DOK7: variants seen among roughly 807,000 people sequenced by gnomAD.
The protein encoded by DOK7 is docking protein 7, also known as protein Dok-7.
A neutral mutation model predicts 30.7 loss-of-function variants in DOK7; 32 were observed. That is an observed-to-expected ratio of 1.04 (90% CI 0.79 to 1.40). DOK7 has a LOEUF of 1.40. DOK7 is among the 40% of genes most tolerant of loss of function. The probability of loss-of-function intolerance (pLI) is 0.00; values close to 1 mark genes in which losing one functional copy is unlikely to be tolerated. For missense variants in DOK7, 1,007 were observed against 699.2 expected (o/e 1.44, Z -4.97); for synonymous variants, 447 against 324.1 (o/e 1.38, Z -4.07).
exon 8 of DOK7, chr4:3,501,036 C>T (rs1729161202): frequency 6.7e-6 from 5 of 743,774 alleles, no homozygotes; most frequent in South Asian, 6.2e-5. Context: ...CGGGGCTGAC[C>T]CTTCGGCCTG....
At chr4:3,480,538 T>C (rs1014374639) in intron 4 of DOK7, among the ~76,000 whole-genome samples, 48 of 151,890 alleles carry the variant, frequency 3.2e-4, no homozygotes, top group Non-Finnish European at 1.0e-4. Context: ...AACCTGGGAG[T>C]TGGAGGTTGC....
intron 2 of DOK7, among the ~76,000 whole-genome samples, chr4:3,468,662 GTGTGCC>G (rs61728648): frequency 0.14 from 21,230 of 148,930 alleles, 1,706 homozygotes; most frequent in South Asian, 0.33. Flanking sequence ...GTATGAGTGT[GTGTGCC>G]TGTGTGCATG....
chr4:3,500,877 GGCCCCCGGCAGGCCA>G, exon 8 of DOK7: 1 of 1,476,286 alleles, frequency 6.8e-7, no homozygotes, highest in East Asian at 2.5e-5. Context: ...GCGGCCCCGT[GGCCCCCGGCAGGCCA>G]GCCCCTTCTG....
downstream of DOK7, chr4:3,496,890 G>A: frequency 6.5e-7 from 1 of 1,533,782 alleles, no homozygotes; most frequent in Non-Finnish European, 8.7e-7. Context: ...GTCCCCCAGA[G>A]CTCGGGGACA....
chr4:3,501,148 A>G, exon 8 of DOK7: 1 of 380,816 alleles, frequency 2.6e-6, no homozygotes, highest in South Asian at 4.5e-5. Context: ...GCTGCCCAGG[A>G]GTTTGGGAGC....
At chr4:3,483,398 T>A (rs1252260520) in intron 4 of DOK7, among the ~76,000 whole-genome samples, 1 of 152,004 alleles carries the variant, frequency 6.6e-6, no homozygotes, top group Non-Finnish European at 1.5e-5. Context: ...TCGTGCGGTG[T>A]CCTGGGAGGC....
chr4:3,500,780 G>A (rs916506758), exon 8 of DOK7: 2 of 1,534,460 alleles, frequency 1.3e-6, no homozygotes, highest in Non-Finnish European at 1.7e-6. Flanking sequence ...GGGCCCGGGA[G>A]GAGCAGCTGT....
chr4:3,489,892 C>A (rs1040520744), intron 6 of DOK7, 96 bp downstream of exon 6: 20 of 1,497,406 alleles, frequency 1.3e-5, no homozygotes, highest in South Asian at 1.0e-4. Context: ...GCTGCAGGCT[C>A]CCTCTGCTCA....
At chr4:3,490,110 C>CCTCATTCATTCCTTTTCTCCCTGCT (rs112331566) in intron 6 of DOK7, among the ~76,000 whole-genome samples, 8 of 52,736 alleles carry the variant, frequency 1.5e-4, no homozygotes, top group Admixed American at 2.5e-4. Context: ...TTCTTCACCC[C>CCTCATTCATTCCTTTTCTCCCTGCT]CATTCATTCC....
At chr4:3,492,124 T>C (rs1398916072) in intron 6 of DOK7, among the ~76,000 whole-genome samples, 1 of 152,024 alleles carries the variant, frequency 6.6e-6, no homozygotes, top group East Asian at 1.9e-4. Context: ...GAGATGAAAG[T>C]GGCTTTCCCA....
chr4:3,490,302 G>C (rs1297799147), intron 6 of DOK7, among the ~76,000 whole-genome samples: 79 of 50,692 alleles, frequency 1.6e-3, no homozygotes, highest in Non-Finnish European at 1.9e-3. Flanking sequence ...TTCTTCCTCC[G>C]CCCCCCCGGC....
At chr4:3,487,986 G>C (rs1285771120) in intron 5 of DOK7, among the ~76,000 whole-genome samples, 1 of 152,250 alleles carries the variant, frequency 6.6e-6, no homozygotes, top group Non-Finnish European at 1.5e-5. Context: ...GCCAGGAGCT[G>C]CTAAGCCGTG....
At chr4:3,486,732 C>T (rs1044598903) in intron 5 of DOK7, among the ~76,000 whole-genome samples, 28 of 99,676 alleles carry the variant, frequency 2.8e-4, no homozygotes, top group African/African-American at 1.1e-3. Flanking sequence ...AGTGGATGCA[C>T]CCCTGCAGGT....
intron 5 of DOK7, among the ~76,000 whole-genome samples, chr4:3,487,970 G>A (rs1727924688): frequency 1.3e-5 from 2 of 152,266 alleles, no homozygotes; most frequent in Admixed American, 6.5e-5. Flanking sequence ...ATGTGTCTGT[G>A]AAAGTGCCAG....
intron 4 of DOK7, among the ~76,000 whole-genome samples, chr4:3,481,090 T>TA (rs199902063): frequency 0.014 from 2,053 of 151,370 alleles, 19 homozygotes; most frequent in Middle Eastern, 0.065. Context: ...GGAGCCCTGT[T>TA]GGGGGGGATA....
downstream of DOK7, chr4:3,494,586 C>T (rs1728793675): frequency 1.5e-5 from 14 of 934,514 alleles, no homozygotes; most frequent in Non-Finnish European, 1.8e-5. Flanking sequence ...CTTCCCTGGC[C>T]TTTATCTCAG....
At chr4:3,492,016 C>A (rs60009044) in intron 6 of DOK7, among the ~76,000 whole-genome samples, 29,823 of 152,144 alleles carry the variant, frequency 0.2, 3,146 homozygotes, top group South Asian at 0.31. Flanking sequence ...GGAGGGGACT[C>A]AGGTTTGCAA....
chr4:3,489,541 C>A, intron 5 of DOK7, 136 bp from the exon 6 acceptor site: 1 of 1,400,044 alleles, frequency 7.1e-7, no homozygotes, highest in Non-Finnish European at 9.8e-7. Context: ...GATGAGGCAT[C>A]GGGAGGAGCG....
In DOK7 at chr4:3,489,740, T is replaced by G. The variant is rs1023898774; in HGVS notation, c.716T>G (p.Leu239Arg). ...GTGGCCCAGGAAGCCCTGGAAACCC[T>G]ACAGCTGGAGAAGCGGCTGAGCCTC... ...ERVAQEALET[L>R]QLEKRLSLLS... The change falls in exon 6 of 7, where the codon CTA becomes CGA. Residue 239 changes from leucine to arginine, a missense_variant. Coordinates refer to ENST00000340083, the MANE Select transcript of DOK7 (RefSeq NM_173660.5). The G allele has an allele frequency of 6.4e-7, 1 of 1,569,566 alleles. No individual in the cohort carries two copies. The highest frequency in any genetic ancestry group is 1.9e-5 in the Admixed American group (1 of 53,816).
Sources: allele counts gnomAD v4.1 joint callset (sites outside exome capture counted in the v4.1 genomes callset), GRCh38; gene constraint gnomAD v4.1.1; transcripts MANE v1.5; gene names NCBI Gene and HGNC (gene_info 2026-07-23, HGNC 2026-07-21).